Variants in FNIP1 observed in about 807,000 individuals in gnomAD.
FNIP1 encodes folliculin interacting protein 1, also known as folliculin-interacting protein 1.
A neutral mutation model predicts 124.5 loss-of-function variants in FNIP1; 40 were observed. The observed-to-expected ratio is 0.32, with a 90% CI of 0.25 to 0.42. FNIP1 has a LOEUF of 0.42. Ranked by LOEUF, FNIP1 falls within the 10% of genes least tolerant of loss-of-function variation. The pLI is 1.00. For synonymous variants in FNIP1, 472 were observed against 470.6 expected (o/e 1.00, Z -0.04); for missense variants, 1,176 against 1,403.7 (o/e 0.84, Z 2.59).
intron 11 of FNIP1, among the ~76,000 whole-genome samples, chr5:131,692,174 T>C (rs2149525593): frequency 6.6e-6 from 1 of 152,274 alleles, no homozygotes; most frequent in South Asian, 2.1e-4. Flanking sequence ...AAAACAACTG[T>C]TGGAACTAAT....
intron 3 of FNIP1, among the ~76,000 whole-genome samples, chr5:131,723,061 T>C (rs1040608025): frequency 3.3e-5 from 5 of 152,208 alleles, no homozygotes; most frequent in African/African-American, 1.2e-4. Context: ...AATTTATTCT[T>C]GAGATTTGGT....
At position 131,671,963 on chromosome 5, in the gene FNIP1, T is replaced by C. The variant is rs1263065056; in HGVS notation, c.2481A>G (p.Ser827=). 1.2e-6 allele frequency: 2 copies of C among 1,614,240 alleles called. No homozygotes were observed. Among genetic ancestry groups the C allele is most frequent in the East Asian group, 2.2e-5 (1 of 44,890 alleles). ...CGAATAAGCTCATGCTTTCTGGGTC[T>C]GAATGATTCCAACAGGGAAGTTCAC... ...EPCELPCWNH[S]DPESMSLFDE... The change falls in exon 14 of 18, where the codon TCA becomes TCG. Residue 827 remains serine (S), a synonymous_variant. Coordinates refer to ENST00000510461, the MANE Select transcript of FNIP1 (RefSeq NM_133372.3).
At chr5:131,782,319 C>CG in intron 1 of FNIP1, among the ~76,000 whole-genome samples, 1 of 151,864 alleles carries the variant, frequency 6.6e-6, no homozygotes, top group South Asian at 2.1e-4. Flanking sequence ...GAGGCTGAGA[C>CG]GGGGGGATCT....
At chr5:131,719,192 C>T in intron 4 of FNIP1, 125 bp downstream of exon 4, 1 of 1,146,420 alleles carries the variant, frequency 8.7e-7, no homozygotes. Flanking sequence ...AGCATTAAAA[C>T]CATAGAACAT....
At position 131,673,691 on chromosome 5, in the gene FNIP1, G is replaced by A. The variant is rs372228929; in HGVS notation, c.1520-767C>T. The stretch of plus-strand genomic sequence containing the variant: ...GAGAGGAAAGGAGTAGTGGTAAAAT[G>A]GAGCAAAGCTATAGTCGTCACACCA... On this transcript the variant is annotated intron_variant, in intron 13 of 17. Coordinates refer to ENST00000510461, the MANE Select transcript of FNIP1 (RefSeq NM_133372.3). Among the ~76,000 whole-genome samples the A allele has an allele frequency of 2.8e-4, 42 of 152,276 alleles. No individual in the cohort carries two copies. In the East Asian group the frequency reaches 7.5e-3, roughly 27 times the overall value.
intron 2 of FNIP1, among the ~76,000 whole-genome samples, chr5:131,733,805 C>G (rs1032708704): frequency 6.6e-6 from 1 of 152,078 alleles, no homozygotes; most frequent in African/African-American, 2.4e-5. Flanking sequence ...TTTGTTGTGT[C>G]TCTGCCAGGC....
At chr5:131,785,463 G>A (rs192225090) in intron 1 of FNIP1, among the ~76,000 whole-genome samples, 2 of 152,018 alleles carry the variant, frequency 1.3e-5, no homozygotes, top group African/African-American at 4.8e-5. Context: ...GCTGAGGCAG[G>A]AGAATCACTT....
chr5:131,788,073 G>A (rs540437105), intron 1 of FNIP1, among the ~76,000 whole-genome samples: 5 of 152,232 alleles, frequency 3.3e-5, no homozygotes, highest in Middle Eastern at 3.4e-3. Flanking sequence ...AGGCATCAAC[G>A]GTTTGTATAA....
Position 131,702,217 on chromosome 5 carries a change from CTGT to C in FNIP1, c.1116+1845_1116+1847del, listed in dbSNP as rs1231593166. Among the ~76,000 whole-genome samples the C allele has an allele frequency of 2.2e-4, 33 of 152,324 alleles. No homozygotes were observed. In the South Asian group the frequency reaches 4.6e-3, roughly 21 times the overall value. On this transcript the variant is annotated intron_variant, in intron 10 of 17. Coordinates refer to ENST00000510461, the MANE Select transcript of FNIP1 (RefSeq NM_133372.3). ...TTACTATTTGAGATAGGGACTCACT[CTGT>C]TGCTACAGTGCAGAGGCACAATCAC...
chr5:131,789,719 T>C (rs1188600731), intron 1 of FNIP1, among the ~76,000 whole-genome samples: 1 of 152,244 alleles, frequency 6.6e-6, no homozygotes, highest in African/African-American at 2.4e-5. Flanking sequence ...CACTCTATCA[T>C]TTTTTAAACA....
chr5:131,731,315 C>T (rs1338779578), intron 2 of FNIP1, among the ~76,000 whole-genome samples: 2 of 152,028 alleles, frequency 1.3e-5, no homozygotes, highest in South Asian at 2.1e-4. Context: ...TCATTAATAC[C>T]GATGTAATAA....
chr5:131,796,626 G>A (rs1772611823), intron 1 of FNIP1: 1 of 572,676 alleles, frequency 1.7e-6, no homozygotes, highest in African/African-American at 2.0e-5. Flanking sequence ...GGGCAACGGC[G>A]AGGCGGGTGG....
rs201742078 is a variant in FNIP1 at position 131,655,941 on chromosome 5, AC to A, written c.3109-3943del. The stretch of plus-strand genomic sequence containing the variant: ...TCAAAAAACAACAAAACAAAACAAA[AC>A]AAAAAAAAAACTAATCTCTTTTGGG... On this transcript the variant is annotated intron_variant, in intron 15 of 17. Transcript: ENST00000510461. 9.8e-4 allele frequency among the ~76,000 whole-genome samples: 147 copies of A among 149,288 alleles called. 1 individual carries two copies. The highest frequency in any genetic ancestry group is 4.7e-3 in the South Asian group (22 of 4,698).
At chr5:131,655,206 T>C (rs901696729) in intron 15 of FNIP1, among the ~76,000 whole-genome samples, 6 of 152,172 alleles carry the variant, frequency 3.9e-5, no homozygotes, top group Non-Finnish European at 1.5e-5. Flanking sequence ...ATGTCATGAA[T>C]ACATAAAATA....
At chr5:131,780,007 C>T (rs1335629792) in intron 1 of FNIP1, among the ~76,000 whole-genome samples, 2 of 151,556 alleles carry the variant, frequency 1.3e-5, no homozygotes, top group Non-Finnish European at 2.9e-5. Context: ...TTGAGACCAG[C>T]CTGGGCAACA....
intron 11 of FNIP1, among the ~76,000 whole-genome samples, chr5:131,695,710 T>A (rs921312613): frequency 2.6e-5 from 4 of 152,198 alleles, no homozygotes; most frequent in African/African-American, 9.6e-5. Context: ...AGATACAGCC[T>A]ATGCCAAACT....
intron 3 of FNIP1, among the ~76,000 whole-genome samples, chr5:131,730,112 G>A (rs1770028833): frequency 6.6e-6 from 1 of 152,158 alleles, no homozygotes. Flanking sequence ...TGATGGTGTT[G>A]TATAGCACAG....
intron 2 of FNIP1, among the ~76,000 whole-genome samples, chr5:131,732,461 A>C (rs1267326153): frequency 6.6e-6 from 1 of 152,218 alleles, no homozygotes; most frequent in East Asian, 1.9e-4. Flanking sequence ...TTATGGTTTT[A>C]GGTCTAACAT....
chr5:131,664,626 C>A (rs1313383362), intron 15 of FNIP1, among the ~76,000 whole-genome samples: 1 of 123,936 alleles, frequency 8.1e-6, no homozygotes, highest in Non-Finnish European at 1.7e-5. Flanking sequence ...CAGAGCAAGA[C>A]CCTGTCTCAA....
Sources: allele counts gnomAD v4.1 joint callset (sites outside exome capture counted in the v4.1 genomes callset), GRCh38; gene constraint gnomAD v4.1.1; transcripts MANE v1.5; gene names NCBI Gene and HGNC (gene_info 2026-07-23, HGNC 2026-07-21).